Variants in PLEKHA6 observed in about 807,000 individuals in gnomAD.
PLEKHA6 encodes the protein pleckstrin homology domain containing A6, also known as pleckstrin homology domain-containing family A member 6.
PLEKHA6 carries 60 observed loss-of-function variants against 116.7 expected under a neutral mutation model. That is an observed-to-expected ratio of 0.51 (90% confidence interval 0.42 to 0.64). The LOEUF is 0.64. Among genes scored for constraint, PLEKHA6 ranks in the 30% least tolerant of loss-of-function variants. The pLI, the probability that PLEKHA6 is intolerant of heterozygous loss-of-function variation, is 0.00. For synonymous variants in PLEKHA6, 489 were observed against 556.1 expected, an observed-to-expected ratio of 0.88 and a Z score of 1.70; for missense variants, 1,338 against 1,422.7, an observed-to-expected ratio of 0.94 and a Z score of 0.96.
chr1:204,377,050 C>G (rs1259415625), intron 1 of PLEKHA6, among the ~76,000 whole-genome samples: 1 of 152,172 alleles, frequency 6.6e-6, no homozygotes. Context: ...GGCATCGTCC[C>G]CCTCCCTCTT....
chr1:204,292,533 C>T (rs2103035480), intron 1 of PLEKHA6, among the ~76,000 whole-genome samples: 1 of 152,048 alleles, frequency 6.6e-6, no homozygotes, highest in Non-Finnish European at 1.5e-5. Context: ...TGGCTGACGC[C>T]CACCTATGTC....
rs569063545 is a variant in PLEKHA6 at position 204,223,538 on chromosome 1, G to A, written c.3079C>T (p.Pro1027Ser). The change falls in exon 22 of 23, where the codon CCT becomes TCT. Residue 1027 changes from proline (P) to serine (S), a missense_variant. Physicochemically the swap from Pro to Ser is moderately conservative, Grantham distance 74. Transcript: ENST00000272203. The surrounding 1 kb of genome is among the most constrained non-coding windows in gnomAD (Gnocchi z 4.8). ...TCAGACGACAGGGGGTTTGCTGGAG[G>A]AGCCGGGGAAGCAGGGGAGGTGGGA... ...SPPTSPASPA[P>S]PANPLSSESP... 1.2e-5 allele frequency: 19 copies of A among 1,550,248 alleles called. No homozygotes were observed. The African/African-American group carries it at 2.1e-4, about 17-fold the overall frequency.
chr1:204,265,576 T>C (rs1666696836), intron 5 of PLEKHA6, among the ~76,000 whole-genome samples: 5 of 152,234 alleles, frequency 3.3e-5, no homozygotes, highest in Admixed American at 1.3e-4. Flanking sequence ...TGTTGACCAC[T>C]ATCCTATCTA....
chr1:204,288,729 T>C (rs552546855), intron 1 of PLEKHA6, among the ~76,000 whole-genome samples: 56 of 152,318 alleles, frequency 3.7e-4, no homozygotes, highest in African/African-American at 1.3e-3. Flanking sequence ...GCTGTTCAGC[T>C]AGAGGGTTTG....
chr1:204,364,401 CAT>C (rs1481713096), upstream of PLEKHA6, among the ~76,000 whole-genome samples: 1 of 152,256 alleles, frequency 6.6e-6, no homozygotes, highest in East Asian at 1.9e-4. Flanking sequence ...ATCAGGCACA[CAT>C]GAGGCCGCCT....
intron 1 of PLEKHA6, among the ~76,000 whole-genome samples, chr1:204,305,243 A>G (rs1182771593): frequency 1.3e-5 from 2 of 152,074 alleles, no homozygotes; most frequent in African/African-American, 4.8e-5. Context: ...CTTCTTTCTC[A>G]TTACTCTGAT....
intron 1 of PLEKHA6, chr1:204,275,582 G>A (rs12046171): frequency 0.16 from 67,918 of 416,406 alleles, 6,272 homozygotes; most frequent in East Asian, 0.26. Context: ...GAGCAGCATC[G>A]TGGAGCCTCC....
rs565734639 is a variant in PLEKHA6, at chr1:204,277,284, G to A, written c.-94-2475C>T. Reference sequence around the variant, plus strand: ...GTAGGCCTGTGGCTTCCTGGTATTCGGCCAGAATGCTACTGGTCAGAGGAC... The same window carrying A: ...GTAGGCCTGTGGCTTCCTGGTATTCAGCCAGAATGCTACTGGTCAGAGGAC... On this transcript the variant is annotated intron_variant, in intron 1 of 22. Coordinates refer to ENST00000272203, the MANE Select transcript of PLEKHA6 (RefSeq NM_014935.5). The surrounding 1 kb of genome is among the most constrained non-coding windows in gnomAD (Gnocchi z 4.1). Among the ~76,000 whole-genome samples, 37 of 152,074 alleles carry A rather than the reference G, an allele frequency of 2.4e-4. No homozygotes were observed. Among genetic ancestry groups the A allele is most frequent in the Admixed American group, 1.4e-3 (22 of 15,270 alleles).
intron 1 of PLEKHA6, among the ~76,000 whole-genome samples, chr1:204,345,988 G>A (rs1020126748): frequency 6.6e-6 from 1 of 152,278 alleles, no homozygotes; most frequent in African/African-American, 2.4e-5. Context: ...AGAAGAGAAT[G>A]AGCGAAGCTC....
intron 1 of PLEKHA6, chr1:204,297,065 TACCAGCTCCATG>T (rs1326292736): frequency 2.0e-6 from 2 of 977,010 alleles, no homozygotes; most frequent in Admixed American, 1.2e-4. Flanking sequence ...TTTTTTAAAC[TACCAGCTCCATG>T]GAGAGAGAAA....
chr1:204,328,050 ATT>A (rs1672306802), intron 1 of PLEKHA6, among the ~76,000 whole-genome samples: 1 of 3,116 alleles, frequency 3.2e-4, no homozygotes, highest in Non-Finnish European at 4.2e-3. Context: ...TATTTATTTT[ATT>A]TATTTATTTA....
intron 1 of PLEKHA6, among the ~76,000 whole-genome samples, chr1:204,372,342 A>G (rs1673791973): frequency 6.6e-6 from 1 of 152,080 alleles, no homozygotes; most frequent in Non-Finnish European, 1.5e-5. Flanking sequence ...TGGGCTCTAG[A>G]TTGGATGGCA....
intron 1 of PLEKHA6, among the ~76,000 whole-genome samples, chr1:204,306,400 C>T (rs774419191): frequency 3.9e-5 from 6 of 152,168 alleles, no homozygotes; most frequent in Non-Finnish European, 7.4e-5. Context: ...GCCAGCCTTA[C>T]CCACCATCCA....
rs1160405299 is a variant in PLEKHA6 at position 204,230,440 on chromosome 1, G to T, written c.2556C>A (p.Asp852Glu). Residue 852 changes from aspartate to glutamate, a missense_variant, in exon 18 of 23, where the codon GAC (aspartate) becomes GAA (glutamate). By Grantham distance (45) the Asp-to-Glu change is conservative (BLOSUM62 2). Transcript: ENST00000272203. ...CTTTGTAGGCTGGCCGGGGACTGGG[G>T]TCGGGGGCCGGGCTGGCCGGGAGCT... is the stretch of plus-strand genomic sequence containing the variant. ...SLQLPASPAP[D>E]PSPRPAYKVV... is the part of the protein sequence containing the mutation. 1.9e-6 allele frequency: 3 copies of T among 1,585,524 alleles called. No homozygotes were observed. Among genetic ancestry groups the T allele is most frequent in the Non-Finnish European group, 2.6e-6 (3 of 1,166,492 alleles).
In PLEKHA6 at chr1:204,257,925, ACCCCAGCCCCACCTCCAGGTC is replaced by A; in HGVS notation, c.1008-77_1008-57del. The A allele has an allele frequency of 1.3e-6, 2 of 1,493,214 alleles. No individual in the cohort carries two copies. Among genetic ancestry groups the A allele is most frequent in the South Asian group, 2.6e-5 (2 of 77,214 alleles). 92.5% of individuals were successfully genotyped at this position (1,493,214 alleles called of 1,614,324 possible). On this transcript the variant is annotated intron_variant, in intron 8 of 22. Transcript: ENST00000272203. This position sits in a 1 kb window ranked among gnomAD's most constrained non-coding sequence, Gnocchi z 6.5. ...AGACAACACGGGCACCCCTCCACCC[ACCCCAGCCCCACCTCCAGGTC>A]CCCCAGCCTAGAGCAGGGTGCTTGA...
intron 2 of PLEKHA6, among the ~76,000 whole-genome samples, chr1:204,274,051 A>G (rs537847370): frequency 2.0e-5 from 3 of 152,244 alleles, no homozygotes; most frequent in Non-Finnish European, 4.4e-5. Context: ...TTCCCACCTC[A>G]GCTTCCAGAG....
chr1:204,244,278 C>T (rs5021044), intron 15 of PLEKHA6, among the ~76,000 whole-genome samples: 77,879 of 151,068 alleles, frequency 0.52, 20,677 homozygotes, highest in African/African-American at 0.65. Context: ...ACTACAGGCG[C>T]GCGCCACCAC....
intron 1 of PLEKHA6, among the ~76,000 whole-genome samples, chr1:204,332,777 G>A (rs1672503666): frequency 6.6e-6 from 1 of 152,132 alleles, no homozygotes; most frequent in Admixed American, 6.5e-5. Flanking sequence ...TCCCAACTCT[G>A]AAACTCAAAT....
chr1:204,377,348 C>G (rs2103426405), intron 1 of PLEKHA6, among the ~76,000 whole-genome samples: 1 of 152,298 alleles, frequency 6.6e-6, no homozygotes, highest in Non-Finnish European at 1.5e-5. Context: ...CACTCCCCTG[C>G]CCTGCCCAGC....
Sources: gnomAD v4.1 joint callset for allele counts (sites outside exome capture counted in the v4.1 genomes callset) on GRCh38, gnomAD v4.1.1 for gene constraint, Gnocchi (gnomAD v3.1) non-coding constraint, MANE v1.5 for transcripts, NCBI Gene and HGNC (gene_info 2026-07-23, HGNC 2026-07-21) for gene names.